The following STPG2 variants were observed in gnomAD, a reference collection of about 807,000 sequenced individuals.
STPG2 encodes the protein sperm tail PG-rich repeat containing 2.
STPG2 carries 56 observed loss-of-function variants against 54.2 expected under a neutral mutation model. The observed-to-expected ratio is 1.03, with a 90% confidence interval of 0.83 to 1.29. The LOEUF (loss-of-function observed/expected upper bound fraction) is 1.29, where lower values mean the gene tolerates loss of function less well. Among genes scored for constraint, STPG2 ranks in the 50% most tolerant of loss-of-function variants. The probability of loss-of-function intolerance (pLI) is 0.00; values close to 1 mark genes in which losing one functional copy is unlikely to be tolerated. For synonymous variants in STPG2, 200 were observed against 181.8 expected (o/e 1.10, Z -0.81); for missense variants, 596 against 544.9 (o/e 1.09, Z -0.93).
At chr4:97,507,534 C>A (rs535462679) in intron 4 of STPG2, among the ~76,000 whole-genome samples, 11 of 152,138 alleles carry the variant, frequency 7.2e-5, no homozygotes, top group Non-Finnish European at 1.0e-4. Flanking sequence ...TGGTGCAAAT[C>A]CCACAGGTTA....
intron 5 of STPG2, among the ~76,000 whole-genome samples, chr4:98,032,880 T>C (rs1402814167): frequency 6.6e-6 from 1 of 152,128 alleles, no homozygotes; most frequent in African/African-American, 2.4e-5. Context: ...AATAAAGATG[T>C]TATTTGAAAC....
At chr4:97,721,016 AAT>A (rs1408019074) in intron 9 of STPG2, among the ~76,000 whole-genome samples, 2 of 152,052 alleles carry the variant, frequency 1.3e-5, no homozygotes, top group Non-Finnish European at 2.9e-5. Context: ...TCATCTGTAT[AAT>A]ATTCAAAAAC....
At chr4:98,114,266 TAG>T (rs1328436520) in intron 3 of STPG2, among the ~76,000 whole-genome samples, 4 of 152,116 alleles carry the variant, frequency 2.6e-5, no homozygotes, top group East Asian at 1.9e-4. Context: ...CCATTTATGT[TAG>T]AGTTTATTTT....
intron 9 of STPG2, among the ~76,000 whole-genome samples, chr4:97,823,457 C>A (rs1399334291): frequency 2.6e-5 from 4 of 152,164 alleles, no homozygotes; most frequent in African/African-American, 9.7e-5. Context: ...ATATTTTAAG[C>A]CTGCTGTTGA....
At chr4:98,081,647 G>C (rs1031160154) in intron 5 of STPG2, among the ~76,000 whole-genome samples, 1 of 152,180 alleles carries the variant, frequency 6.6e-6, no homozygotes, top group African/African-American at 2.4e-5. Context: ...ATTTTGCTTA[G>C]AGACATGACT....
chr4:98,017,829 T>C lies in STPG2; in HGVS notation c.613-36511A>G, dbSNP rs1051143480. ...TCTCATGATAGTGAGGGAGTTCTCA[T>C]GATATCTGATGGTTTTAAAAGTGGC... On this transcript the variant is annotated intron_variant, in intron 5 of 10. Coordinates refer to ENST00000295268, the MANE Select transcript of STPG2 (RefSeq NM_174952.3). 4.6e-5 allele frequency among the ~76,000 whole-genome samples: 7 copies of C among 152,028 alleles called. No individual in the cohort carries two copies. The East Asian group carries it at 5.8e-4, about 13-fold the overall frequency.
chr4:98,100,147 G>GA (rs761914176), intron 5 of STPG2, among the ~76,000 whole-genome samples: 4 of 151,098 alleles, frequency 2.6e-5, no homozygotes, highest in Non-Finnish European at 5.9e-5. Flanking sequence ...TACAAAGAAA[G>GA]AAAAAAAACC....
intron 4 of STPG2, among the ~76,000 whole-genome samples, chr4:98,106,407 C>T (rs1413872326): frequency 2.0e-5 from 3 of 152,106 alleles, no homozygotes; most frequent in South Asian, 2.1e-4. Flanking sequence ...TCCAAATCAA[C>T]TATTATCAAA....
At chr4:97,478,896 T>A (rs1730147274) in intron 4 of STPG2, among the ~76,000 whole-genome samples, 1 of 151,090 alleles carries the variant, frequency 6.6e-6, no homozygotes, top group Non-Finnish European at 1.5e-5. Flanking sequence ...TGTGTGTGTG[T>A]GTGTGTGTGT....
chr4:97,566,461 C>T (rs1217969260), intron 10 of STPG2, among the ~76,000 whole-genome samples: 1 of 152,184 alleles, frequency 6.6e-6, no homozygotes, highest in Non-Finnish European at 1.5e-5. Flanking sequence ...CGCCCACTGT[C>T]TGGCACTCCC....
intron 9 of STPG2, among the ~76,000 whole-genome samples, chr4:97,748,529 G>T (rs1312347110): frequency 6.6e-6 from 1 of 151,454 alleles, no homozygotes; most frequent in Non-Finnish European, 1.5e-5. Flanking sequence ...AAAAGAGAAA[G>T]GGAACATATC....
chr4:97,700,896 A>G (rs1371768616), intron 10 of STPG2, among the ~76,000 whole-genome samples: 1 of 152,108 alleles, frequency 6.6e-6, no homozygotes, highest in Non-Finnish European at 1.5e-5. Context: ...AATCAATGAA[A>G]CCACATTTGG....
rs142779687 is a variant in STPG2, at chr4:97,463,261, C to T, written c.462+249438G>A. On this transcript the variant is annotated intron_variant, in intron 4 of 4. Transcript: ENST00000522676. ...TACTTCTTTGCTCAGTTGTACCTAG[C>T]CACTACAATTTTTTTATTTAAATGA... Among the ~76,000 whole-genome samples, 640 of 152,092 alleles carry T rather than the reference C, an allele frequency of 4.2e-3. 3 individuals carry two copies. Among genetic ancestry groups the T allele is most frequent in the South Asian group, 0.02 (98 of 4,824 alleles).
intron 10 of STPG2, among the ~76,000 whole-genome samples, chr4:97,646,668 T>C (rs1053518322): frequency 5.3e-5 from 8 of 152,162 alleles, no homozygotes; most frequent in African/African-American, 1.9e-4. Flanking sequence ...TGTTTATTAA[T>C]AAAGTTTATT....
At chr4:97,746,577 T>C (rs1188841396) in intron 9 of STPG2, among the ~76,000 whole-genome samples, 4 of 151,252 alleles carry the variant, frequency 2.6e-5, no homozygotes, top group Non-Finnish European at 4.4e-5. Context: ...GTGTCAGGAT[T>C]TAGTAGAGAG....
intron 9 of STPG2, among the ~76,000 whole-genome samples, chr4:97,784,713 A>G (rs199821204): frequency 0.11 from 2 of 18 alleles, no homozygotes; most frequent in African/African-American, 0.11. Context: ...TATTACAAAG[A>G]AAAAAAACAC....
intron 9 of STPG2, among the ~76,000 whole-genome samples, chr4:97,807,348 T>C (rs1727600562): frequency 1.3e-5 from 2 of 151,942 alleles, no homozygotes; most frequent in Non-Finnish European, 2.9e-5. Context: ...AGAAAGAATA[T>C]GCTTATTTTA....
At chr4:97,578,127 G>T (rs1732770248) in intron 10 of STPG2, among the ~76,000 whole-genome samples, 1 of 142,310 alleles carries the variant, frequency 7.0e-6, no homozygotes, top group South Asian at 2.2e-4. Flanking sequence ...TTTTGAGATG[G>T]AGTCTCTTAT....
downstream of STPG2, among the ~76,000 whole-genome samples, chr4:97,558,529 T>C (rs907130320): frequency 6.6e-6 from 1 of 152,196 alleles, no homozygotes; most frequent in Non-Finnish European, 1.5e-5. Flanking sequence ...AGCTGCCTTA[T>C]TGTATGCTAC....
Sources: allele counts gnomAD v4.1 joint callset (sites outside exome capture counted in the v4.1 genomes callset), GRCh38; gene constraint gnomAD v4.1.1; transcripts MANE v1.5; gene names NCBI Gene and HGNC (gene_info 2026-07-23, HGNC 2026-07-21).